KPNA2: variants seen among roughly 807,000 people sequenced by gnomAD.
KPNA2 encodes the protein karyopherin subunit alpha 2.
In KPNA2, 20 loss-of-function variants were observed where a neutral mutation model predicts 53.7. That is an observed-to-expected ratio of 0.37 (90% CI 0.26 to 0.54). The LOEUF is 0.54. Ranked by LOEUF, KPNA2 falls within the 20% of genes least tolerant of loss-of-function variation. The probability of loss-of-function intolerance (pLI) is 0.83; values close to 1 mark genes in which losing one functional copy is unlikely to be tolerated. For missense variants in KPNA2, 515 were observed against 640.3 expected (o/e 0.80, Z 2.11); for synonymous variants, 238 against 227.5 (o/e 1.05, Z -0.42).
intron 10 of KPNA2, among the ~76,000 whole-genome samples, 178 bp from the exon 11 acceptor site, chr17:68,046,326 T>C (rs1372499538): frequency 2.0e-5 from 3 of 152,162 alleles, no homozygotes; most frequent in East Asian, 1.9e-4. Flanking sequence ...GTAGCTAGCA[T>C]TTATGAATTG....
At position 68,045,880 on chromosome 17, in the gene KPNA2, A is replaced by G. The variant is rs781790390; in HGVS notation, c.1456A>G (p.Lys486Glu). 2.1e-5 allele frequency: 34 copies of G among 1,602,262 alleles called. No individual in the cohort carries two copies. Among genetic ancestry groups the G allele is most frequent in the Non-Finnish European group, 2.5e-5 (29 of 1,173,596 alleles). ...LQNHENESVY[K>E]ASLSLIEKYF... ...AAACCATGAAAATGAGTCTGTGTAT[A>G]AGGCTTCGTTAAGCTTAATTGAGAA... The change falls in exon 10 of 11, where the codon AAG (lysine) becomes GAG (glutamate). Residue 486 changes from lysine (K) to glutamate (E), a missense_variant. Transcript: ENST00000330459.
At position 68,044,511 on chromosome 17, in the gene KPNA2, C is replaced by G. The variant is rs782580260; in HGVS notation, c.1347+8C>G. Reference sequence around the variant, plus strand: ...ATTTCAAATATCTTTCAGGTAAGTCCTATCAAGGTGGCTTTGTTTGAATTT... The same window carrying G: ...ATTTCAAATATCTTTCAGGTAAGTCGTATCAAGGTGGCTTTGTTTGAATTT... On this transcript the variant is annotated splice_region_variant and intron_variant, in intron 9 of 10. Coordinates refer to ENST00000330459, the MANE Select transcript of KPNA2 (RefSeq NM_002266.4). The G allele has an allele frequency of 6.2e-7, 1 of 1,608,334 alleles. No individual in the cohort carries two copies. The highest frequency in any genetic ancestry group is 2.2e-5 in the East Asian group (1 of 44,846).
At position 68,045,834 on chromosome 17, in the gene KPNA2, A is replaced by G. The variant is rs782238647; in HGVS notation, c.1410A>G (p.Leu470=). 6.2e-7 allele frequency: 1 copy of G among 1,608,058 alleles called. No individual in the cohort carries two copies. The highest frequency in any genetic ancestry group is 1.1e-5 in the South Asian group (1 of 90,508). ...TAATGATTGAAGAATGTGGAGGCTT[A>G]GACAAAATTGAAGCTCTACAAAACC... is the stretch of plus-strand genomic sequence containing the variant. ...LSIMIEECGG[L]DKIEALQNHE... is the part of the protein sequence containing the mutation. Residue 470 remains leucine, a synonymous_variant, in exon 10 of 11, where the codon TTA becomes TTG. Coordinates refer to ENST00000330459, the MANE Select transcript of KPNA2 (RefSeq NM_002266.4).
rs1568277956 is a variant in KPNA2, at chr17:68,044,383, A to G, written c.1227A>G (p.Thr409=). 1 of 1,614,156 alleles carries G rather than the reference A, an allele frequency of 6.2e-7. No homozygotes were observed. Among genetic ancestry groups the G allele is most frequent in the East Asian group, 2.2e-5 (1 of 44,890 alleles). ...TGACCAACTATACCAGTGGTGGAAC[A>G]GTTGAACAGATTGTGTACCTTGTTC... ...WAVTNYTSGG[T]VEQIVYLVHC... is the part of the protein sequence containing the mutation. The change falls in exon 9 of 11, where the codon ACA becomes ACG. Residue 409 remains threonine (T), a synonymous_variant. Transcript: ENST00000330459.
In KPNA2 at chr17:68,043,297, G is replaced by T. The variant is rs1315142200; in HGVS notation, c.864G>T (p.Met288Ile). ...LTDGPNERIG[M>I]VVKTGVVPQL... is the part of the protein sequence containing the mutation. ...ATGGTCCAAATGAACGAATTGGCAT[G>T]GTGGTGAAAACAGGAGTTGTGCCCC... The change falls in exon 7 of 11, where the codon ATG becomes ATT. Residue 288 changes from methionine to isoleucine, a missense_variant. By Grantham distance (10) the Met-to-Ile change is conservative. Coordinates refer to ENST00000330459, the MANE Select transcript of KPNA2 (RefSeq NM_002266.4). 6.2e-7 allele frequency: 1 copy of T among 1,614,018 alleles called. No homozygotes were observed. The highest frequency in any genetic ancestry group is 1.7e-5 in the Admixed American group (1 of 60,006).
chr17:68,039,918 C>G (rs1317508711), intron 3 of KPNA2, among the ~76,000 whole-genome samples: 2 of 138,250 alleles, frequency 1.4e-5, no homozygotes, highest in African/African-American at 2.6e-5. Flanking sequence ...ACTAAAAATA[C>G]AAAAAAAAAA....
intron 9 of KPNA2, among the ~76,000 whole-genome samples, chr17:68,045,296 C>T (rs2144221972): frequency 6.6e-6 from 1 of 152,252 alleles, no homozygotes; most frequent in South Asian, 2.1e-4. Context: ...AACTAACCTA[C>T]ATACCATTCC....
rs1310201888 is a variant in KPNA2 at position 68,042,314 on chromosome 17, A to G, written c.532A>G (p.Ile178Val). The change falls in exon 5 of 11, where the codon ATC becomes GTC. Residue 178 changes from isoleucine (I) to valine (V), a missense_variant. Physicochemically the swap from Ile to Val is conservative, Grantham distance 29 (BLOSUM62 3). Coordinates refer to ENST00000330459, the MANE Select transcript of KPNA2 (RefSeq NM_002266.4). The stretch of plus-strand genomic sequence containing the variant: ...TCTGTTGGCATCTCCCCATGCTCAC[A>G]TCAGTGAACAAGCTGTCTGGGCTCT... ...ISLLASPHAH[I>V]SEQAVWALGN... 8.1e-6 allele frequency: 13 copies of G among 1,614,090 alleles called. No homozygotes were observed. Among genetic ancestry groups the G allele is most frequent in the Admixed American group, 1.7e-5 (1 of 60,004 alleles).
chr17:68,037,748 C>T (rs1320231460), intron 3 of KPNA2, among the ~76,000 whole-genome samples: 2 of 152,018 alleles, frequency 1.3e-5, no homozygotes, highest in African/African-American at 2.4e-5. Flanking sequence ...TAGCTGGGTA[C>T]CTTGGCCTGA....
chr17:68,045,277 T>A (rs781939866), intron 9 of KPNA2, among the ~76,000 whole-genome samples: 3 of 152,132 alleles, frequency 2.0e-5, no homozygotes, highest in African/African-American at 4.8e-5. Context: ...GGTTGAAAAT[T>A]TAAAGGAAAA....
chr17:68,037,998 A>G (rs1599138315), intron 3 of KPNA2, among the ~76,000 whole-genome samples: 3 of 151,726 alleles, frequency 2.0e-5, no homozygotes, highest in African/African-American at 7.3e-5. Context: ...TTTCTTTGAG[A>G]CAGAGTTTTG....
Position 68,042,070 on chromosome 17 carries a change from T to C in KPNA2, c.303-15T>C. On this transcript the variant is annotated splice_polypyrimidine_tract_variant and intron_variant, in intron 4 of 10. Coordinates refer to ENST00000330459, the MANE Select transcript of KPNA2 (RefSeq NM_002266.4). The stretch of plus-strand genomic sequence containing the variant: ...ATCACTGTCAACTTTTATTTCTCTT[T>C]TTGTTCCCCTTTAGGAAACTACTTT... The C allele has an allele frequency of 6.3e-7, 1 of 1,596,062 alleles. No individual in the cohort carries two copies. Among genetic ancestry groups the C allele is most frequent in the Non-Finnish European group, 8.6e-7 (1 of 1,167,214 alleles).
intron 9 of KPNA2, chr17:68,045,370 C>A: frequency 6.3e-6 from 1 of 159,172 alleles, no homozygotes; most frequent in Non-Finnish European, 1.4e-5. Flanking sequence ...TTTAGCACTC[C>A]ATAGGCCATC....
chr17:68,040,632 G>A, intron 3 of KPNA2, 46 bp from the exon 4 acceptor site: 1 of 1,269,358 alleles, frequency 7.9e-7, no homozygotes. Flanking sequence ...TTTATTGTTT[G>A]TATTTAATCT....
chr17:68,040,260 ATTTTTT>A (rs782418464), intron 3 of KPNA2, among the ~76,000 whole-genome samples: 12 of 117,978 alleles, frequency 1.0e-4, no homozygotes, highest in African/African-American at 3.0e-4. Context: ...ATGCCTGGAT[ATTTTTT>A]TTTTTTTTTT....
intron 4 of KPNA2, among the ~76,000 whole-genome samples, chr17:68,041,811 G>A (rs1433730610): frequency 6.6e-6 from 1 of 152,180 alleles, no homozygotes; most frequent in Non-Finnish European, 1.5e-5. Flanking sequence ...TTTTTAAAAA[G>A]TGACAAGATC....
Position 68,043,112 on chromosome 17 carries a change from C to A in KPNA2, c.679C>A (p.Arg227Ser). ...DMSSLACGYL[R>S]NLTWTLSNLC... is the part of the protein sequence containing the mutation. ...TTTTTTCCCCCAGTGTGGCTACTTA[C>A]GTAATCTTACCTGGACACTTTCTAA... The change falls in exon 7 of 11, where the codon CGT becomes AGT. Residue 227 changes from arginine (R) to serine (S), a missense_variant. Physicochemically the swap from Arg to Ser is moderately radical, Grantham distance 110. Coordinates refer to ENST00000330459, the MANE Select transcript of KPNA2 (RefSeq NM_002266.4). The A allele has an allele frequency of 6.2e-7, 1 of 1,614,030 alleles. No homozygotes were observed. The highest frequency in any genetic ancestry group is 2.2e-5 in the East Asian group (1 of 44,876).
In KPNA2 at chr17:68,043,819, CAT is replaced by C; in HGVS notation, c.931-16_931-15del. 7.0e-7 allele frequency: 1 copy of C among 1,424,872 alleles called. No individual in the cohort carries two copies. 88.3% of individuals were successfully genotyped at this position (1,424,872 alleles called of 1,614,324 possible). A position where few individuals can be genotyped will look rare whatever the true frequency, so the allele number is the denominator to read the frequency against. On this transcript the variant is annotated splice_polypyrimidine_tract_variant and intron_variant, in intron 7 of 10. Coordinates refer to ENST00000330459, the MANE Select transcript of KPNA2 (RefSeq NM_002266.4). ...CTGGGGAAAAAATAACCAGCATCAA[CAT>C]ATTTTTTTTTTTTCAGACTCCTGCC...
At chr17:68,037,548 G>C (rs1326876799) in intron 3 of KPNA2, 53 bp downstream of exon 3, 7 of 1,533,414 alleles carry the variant, frequency 4.6e-6, no homozygotes, top group Non-Finnish European at 4.5e-6. Flanking sequence ...AAATCAGTAG[G>C]GACTTTTCTT....
Sources: gnomAD v4.1 joint callset for allele counts (sites outside exome capture counted in the v4.1 genomes callset) on GRCh38, gnomAD v4.1.1 for gene constraint, MANE v1.5 for transcripts, NCBI Gene and HGNC (gene_info 2026-07-23, HGNC 2026-07-21) for gene names.